Variants in CHST11 observed in about 807,000 individuals in gnomAD.
CHST11 encodes the protein carbohydrate sulfotransferase 11, also known as C4S-1.
In CHST11, 9 loss-of-function variants were observed where a neutral mutation model predicts 30.4. That is an observed-to-expected ratio of 0.30 (90% CI 0.18 to 0.52). The LOEUF (loss-of-function observed/expected upper bound fraction) is 0.52. Among genes scored for constraint, CHST11 ranks in the 20% least tolerant of loss-of-function variants. The pLI is 0.97. For synonymous variants in CHST11, 152 were observed against 187.8 expected (o/e 0.81, Z 1.56); for missense variants, 348 against 460.6 (o/e 0.76, Z 2.24).
intron 1 of CHST11, among the ~76,000 whole-genome samples, chr12:104,497,576 A>ACATGT (rs2037811498): frequency 7.2e-6 from 1 of 138,318 alleles, no homozygotes; most frequent in Non-Finnish European, 1.6e-5. Context: ...CTCACGTATT[A>ACATGT]AAAAAAAATG....
intron 2 of CHST11, among the ~76,000 whole-genome samples, chr12:104,641,437 G>A (rs545714672): frequency 1.3e-5 from 2 of 152,238 alleles, no homozygotes; most frequent in South Asian, 2.1e-4. Context: ...GCTCTTGCTG[G>A]CACCCAAAAG....
chr12:104,522,639 T>C (rs2038084071), intron 1 of CHST11, among the ~76,000 whole-genome samples: 1 of 152,202 alleles, frequency 6.6e-6, no homozygotes, highest in African/African-American at 2.4e-5. Context: ...CTATTTTTTT[T>C]CAATATTTTT....
chr12:104,531,721 GTT>G (rs2038187209), intron 1 of CHST11, among the ~76,000 whole-genome samples: 1 of 152,020 alleles, frequency 6.6e-6, no homozygotes, highest in African/African-American at 2.4e-5. Flanking sequence ...TAGTCTTCTG[GTT>G]TCCTTGCCTC....
At chr12:104,474,574 T>G (rs2135956344) in intron 1 of CHST11, among the ~76,000 whole-genome samples, 1 of 152,332 alleles carries the variant, frequency 6.6e-6, no homozygotes, top group Admixed American at 6.5e-5. Flanking sequence ...AGTAAGTGCC[T>G]TCCTGCAAAT....
intron 2 of CHST11, among the ~76,000 whole-genome samples, chr12:104,743,814 T>C (rs975875496): frequency 1.3e-5 from 2 of 152,136 alleles, no homozygotes; most frequent in African/African-American, 4.8e-5. Context: ...TCTGTGTCCA[T>C]GTGTTCTCAT....
intron 2 of CHST11, among the ~76,000 whole-genome samples, chr12:104,738,146 G>T (rs2040316401): frequency 6.6e-6 from 1 of 152,162 alleles, no homozygotes; most frequent in South Asian, 2.1e-4. Context: ...TGGTCAGGGG[G>T]TGCTGCAGCC....
chr12:104,601,427 C>G (rs1345071178), intron 1 of CHST11, among the ~76,000 whole-genome samples: 1 of 152,180 alleles, frequency 6.6e-6, no homozygotes. Flanking sequence ...GGGCCTCTGA[C>G]CTGTCCAGTG....
intron 2 of CHST11, among the ~76,000 whole-genome samples, chr12:104,646,322 C>A (rs1186116044): frequency 6.6e-6 from 1 of 152,198 alleles, no homozygotes; most frequent in East Asian, 1.9e-4. Flanking sequence ...TTGGCCAACA[C>A]CTACTTAGTC....
rs183710776 is a variant in CHST11, at chr12:104,525,873, C to T, written c.118+68344C>T. 2.8e-3 allele frequency among the ~76,000 whole-genome samples: 367 copies of T among 130,192 alleles called. 1 individual carries two copies. The highest frequency in any genetic ancestry group is 4.5e-3 in the Non-Finnish European group (292 of 65,136). The allele number at this position is 130,192 out of a possible 152,430, so 85.4% of individuals were successfully genotyped here. On this transcript the variant is annotated intron_variant, in intron 1 of 2. Coordinates refer to ENST00000303694, the MANE Select transcript of CHST11 (RefSeq NM_018413.6). ...CTTATTTGCATCTTTGCTATGATGC[C>T]GATTTTTACCAAGCTGTTTTTTGCA...
Position 104,677,284 on chromosome 12 carries a change from G to A in CHST11, c.204+75293G>A, listed in dbSNP as rs908524971. 4.6e-5 allele frequency among the ~76,000 whole-genome samples: 7 copies of A among 152,150 alleles called. No individual in the cohort carries two copies. The South Asian group carries it at 1.5e-3, about 32-fold the overall frequency. The stretch of plus-strand genomic sequence containing the variant: ...AAAGTCTTAGCATGCAGGTCGAGGG[G>A]TCCCCATGGCCTCCAAAAAGCAGAA... On this transcript the variant is annotated intron_variant, in intron 2 of 2. Coordinates refer to ENST00000303694, the MANE Select transcript of CHST11 (RefSeq NM_018413.6).
chr12:104,559,012 C>G (rs1000731752), intron 1 of CHST11, among the ~76,000 whole-genome samples: 1 of 151,826 alleles, frequency 6.6e-6, no homozygotes, highest in Non-Finnish European at 1.5e-5. Context: ...TGCTTCTGGA[C>G]GGTAGGCTTC....
At position 104,457,366 on chromosome 12, in the gene CHST11, G is replaced by A. The variant is rs2037362002; in HGVS notation, c.-46G>A. The A allele has an allele frequency of 6.8e-7, 1 of 1,460,538 alleles. No individual in the cohort carries two copies. The highest frequency in any genetic ancestry group is 1.8e-5 in the Admixed American group (1 of 56,796). 90.5% of individuals were successfully genotyped at this position (1,460,538 alleles called of 1,614,324 possible). A position where few individuals can be genotyped will look rare whatever the true frequency, so the allele number is the denominator to read the frequency against. On this transcript the variant is annotated 5_prime_UTR_variant, in exon 1 of 3. Transcript: ENST00000303694. ...GGCGGGGTCCCTGCTCCTGCGCCCCGGGCGCGCTTCCCGGACACCCCGGTC... is the reference window on the plus strand; with the variant it reads ...GGCGGGGTCCCTGCTCCTGCGCCCCAGGCGCGCTTCCCGGACACCCCGGTC...
chr12:104,560,523 G>T (rs1268649114), intron 1 of CHST11, among the ~76,000 whole-genome samples: 1 of 152,164 alleles, frequency 6.6e-6, no homozygotes, highest in Non-Finnish European at 1.5e-5. Flanking sequence ...TGAGATAGGG[G>T]TGGGAAGAGA....
intron 1 of CHST11, among the ~76,000 whole-genome samples, chr12:104,473,307 C>G (rs142734606): frequency 1.2e-4 from 18 of 152,258 alleles, no homozygotes; most frequent in African/African-American, 3.1e-4. Context: ...TTGCATTGCT[C>G]GGGCCAAAAT....
intron 2 of CHST11, among the ~76,000 whole-genome samples, chr12:104,730,824 G>A (rs1243765887): frequency 6.6e-6 from 1 of 152,214 alleles, no homozygotes; most frequent in Admixed American, 6.5e-5. Flanking sequence ...CCAACTTGGA[G>A]TGGACGGAAG....
At chr12:104,624,175 C>T (rs2039188706) in intron 2 of CHST11, among the ~76,000 whole-genome samples, 1 of 152,150 alleles carries the variant, frequency 6.6e-6, no homozygotes, top group Non-Finnish European at 1.5e-5. Context: ...GGCCTCTGAT[C>T]CTAGGGGAAT....
chr12:104,518,345 G>A (rs954658569), intron 1 of CHST11, among the ~76,000 whole-genome samples: 7 of 152,112 alleles, frequency 4.6e-5, no homozygotes, highest in African/African-American at 9.7e-5. Flanking sequence ...ACAGGAGCGC[G>A]TGAGTAGGAA....
chr12:104,616,158 TC>T (rs554533270), intron 2 of CHST11, among the ~76,000 whole-genome samples: 2 of 152,184 alleles, frequency 1.3e-5, no homozygotes, highest in Non-Finnish European at 2.9e-5. Context: ...TGGAACTCCA[TC>T]GTCTGCCGGA....
chr12:104,669,954 G>A (rs898868434), intron 2 of CHST11, among the ~76,000 whole-genome samples: 2 of 152,246 alleles, frequency 1.3e-5, no homozygotes, highest in African/African-American at 4.8e-5. Context: ...AAATACTTGT[G>A]CTTAGCACAT....
Sources: gnomAD v4.1 joint callset for allele counts (sites outside exome capture counted in the v4.1 genomes callset) on GRCh38, gnomAD v4.1.1 for gene constraint, MANE v1.5 for transcripts, NCBI Gene and HGNC (gene_info 2026-07-23, HGNC 2026-07-21) for gene names.